The following RIT2 variants were observed in gnomAD, a reference collection of about 807,000 sequenced individuals.
RIT2 encodes the protein Ras like without CAAX 2.
In RIT2, 24 loss-of-function variants were observed where a neutral mutation model predicts 23.7. That is an observed-to-expected ratio of 1.01 (90% CI 0.73 to 1.43). The LOEUF is 1.43. Among genes scored for constraint, RIT2 ranks in the 40% most tolerant of loss-of-function variants. The pLI is 0.00. For missense variants in RIT2, 236 were observed against 266.9 expected, an observed-to-expected ratio of 0.88 and a Z score of 0.81; for synonymous variants, 107 against 91.1, an observed-to-expected ratio of 1.17 and a Z score of -0.99.
rs940135930 is a variant in RIT2, at chr18:43,018,120, A to T, written c.160+15691T>A. 1.4e-4 allele frequency among the ~76,000 whole-genome samples: 22 copies of T among 152,184 alleles called. 1 individual carries two copies. The highest frequency in any genetic ancestry group is 1.0e-3 in the Admixed American group (16 of 15,260). ...AACAGCTTGTAAAATTTGTAAAATT[A>T]ATCACACAGTTCAGTTCACTGTCTT... On this transcript the variant is annotated intron_variant, in intron 2 of 4. Transcript: ENST00000326695.
chr18:42,900,718 A>T (rs1052538504), intron 4 of RIT2, among the ~76,000 whole-genome samples: 6 of 151,450 alleles, frequency 4.0e-5, no homozygotes, highest in African/African-American at 1.5e-4. Flanking sequence ...TATGTGAGGG[A>T]TAACAGAGAT....
chr18:42,923,574 G>A lies in RIT2; in HGVS notation c.424C>T (p.Gln142Ter), dbSNP rs773095164. 1.2e-6 allele frequency: 2 copies of A among 1,612,626 alleles called. No individual in the cohort carries two copies. The highest frequency in any genetic ancestry group is 4.5e-5 in the East Asian group (2 of 44,830). The change falls in exon 4 of 5, where the codon CAG becomes TAG. Residue 142 changes from glutamine to a stop codon, truncating the protein, a stop_gained and splice_region_variant. Coordinates refer to ENST00000326695, the MANE Select transcript of RIT2 (RefSeq NM_002930.4). LOFTEE classifies it high-confidence loss of function. ...GNKIDLEQFR[Q>*]VSTEEGLSLA... ...TACCAGATAAAATCGGCACTCACCT[G>A]GCGGAACTGTTCCAGATCAATTTTG...
chr18:42,971,131 A>T (rs1254897644), intron 3 of RIT2, among the ~76,000 whole-genome samples: 1 of 152,028 alleles, frequency 6.6e-6, no homozygotes, highest in Non-Finnish European at 1.5e-5. Flanking sequence ...AGGATAGTAA[A>T]CTTCAACATA....
chr18:42,965,657 A>C (rs930377370), intron 3 of RIT2, among the ~76,000 whole-genome samples: 1 of 151,352 alleles, frequency 6.6e-6, no homozygotes, highest in Admixed American at 6.6e-5. Context: ...TAAAGGATAT[A>C]AAGAAATATA....
At chr18:42,753,245 T>A (rs2143886863) in intron 4 of RIT2, among the ~76,000 whole-genome samples, 1 of 152,336 alleles carries the variant, frequency 6.6e-6, no homozygotes. Flanking sequence ...CTCTGCATAT[T>A]TTTATCTTTT....
intron 1 of RIT2, among the ~76,000 whole-genome samples, chr18:43,106,465 CTA>C (rs1913824901): frequency 6.6e-6 from 1 of 152,182 alleles, no homozygotes; most frequent in Admixed American, 6.5e-5. Context: ...ACTTCTCTAA[CTA>C]TAATTGTTAA....
intron 3 of RIT2, among the ~76,000 whole-genome samples, chr18:42,950,116 T>C (rs1367419486): frequency 6.6e-6 from 1 of 152,134 alleles, no homozygotes; most frequent in African/African-American, 2.4e-5. Context: ...CAGTCAATTA[T>C]TCTATACTCA....
At chr18:42,766,111 C>A (rs1334123561) in intron 4 of RIT2, among the ~76,000 whole-genome samples, 1 of 152,046 alleles carries the variant, frequency 6.6e-6, no homozygotes, top group Non-Finnish European at 1.5e-5. Flanking sequence ...AAATTGGTAC[C>A]AGTAGAGTGG....
chr18:42,830,786 A>G (rs1331683569), intron 4 of RIT2, among the ~76,000 whole-genome samples: 2 of 152,198 alleles, frequency 1.3e-5, no homozygotes, highest in Admixed American at 6.5e-5. Context: ...TGCTTCAATC[A>G]TAGATAGGTT....
At chr18:43,028,894 T>C (rs1242020058) in intron 2 of RIT2, among the ~76,000 whole-genome samples, 1 of 152,074 alleles carries the variant, frequency 6.6e-6, no homozygotes, top group African/African-American at 2.4e-5. Flanking sequence ...CAGGCCATTT[T>C]AGTGTAATTC....
intron 4 of RIT2, among the ~76,000 whole-genome samples, chr18:42,799,798 T>C (rs1384986726): frequency 1.3e-5 from 2 of 152,344 alleles, no homozygotes; most frequent in East Asian, 3.9e-4. Context: ...TCCCTGATCC[T>C]GCACTTTCTT....
At chr18:42,872,728 A>T (rs539861198) in intron 4 of RIT2, among the ~76,000 whole-genome samples, 2 of 152,202 alleles carry the variant, frequency 1.3e-5, no homozygotes, top group African/African-American at 4.8e-5. Flanking sequence ...AATAAACATA[A>T]TTACTTAGTA....
chr18:42,949,882 T>C (rs16977147), intron 3 of RIT2, among the ~76,000 whole-genome samples: 13,435 of 152,142 alleles, frequency 0.088, 621 homozygotes, highest in Admixed American at 0.13. Flanking sequence ...TTTTTAGGGC[T>C]TGGATGTTAT....
intron 4 of RIT2, among the ~76,000 whole-genome samples, chr18:42,829,899 T>C (rs190082124): frequency 2.6e-3 from 399 of 151,898 alleles, no homozygotes; most frequent in Non-Finnish European, 3.8e-3. Context: ...AAGTTAAATG[T>C]AAAAATAAGT....
intron 3 of RIT2, among the ~76,000 whole-genome samples, chr18:42,970,939 T>C (rs1055597874): frequency 7.9e-5 from 12 of 151,930 alleles, no homozygotes; most frequent in African/African-American, 2.9e-4. Context: ...AAGCTTGCAA[T>C]GGGCAAGGGA....
intron 2 of RIT2, among the ~76,000 whole-genome samples, chr18:43,012,942 A>T (rs1911384073): frequency 6.6e-6 from 1 of 151,814 alleles, no homozygotes; most frequent in Non-Finnish European, 1.5e-5. Flanking sequence ...TCATTTGAGA[A>T]ATTCTTCTGT....
intron 4 of RIT2, among the ~76,000 whole-genome samples, chr18:42,910,273 A>T (rs1908733310): frequency 1.3e-5 from 2 of 152,152 alleles, no homozygotes. Flanking sequence ...TTAATTTAAC[A>T]ATCTAAACCA....
At chr18:43,057,505 G>T (rs527999884) in intron 1 of RIT2, among the ~76,000 whole-genome samples, 1 of 152,112 alleles carries the variant, frequency 6.6e-6, no homozygotes, top group Non-Finnish European at 1.5e-5. Flanking sequence ...TGAATCTCAT[G>T]TTTCAACACA....
At chr18:43,077,179 A>G (rs1306521765) in intron 1 of RIT2, among the ~76,000 whole-genome samples, 1 of 151,820 alleles carries the variant, frequency 6.6e-6, no homozygotes, top group Non-Finnish European at 1.5e-5. Flanking sequence ...CTGTTTCTTC[A>G]TAAACACTGT....
Sources: gnomAD v4.1 joint callset for allele counts (sites outside exome capture counted in the v4.1 genomes callset) on GRCh38, gnomAD v4.1.1 for gene constraint, MANE v1.5 for transcripts, NCBI Gene and HGNC (gene_info 2026-07-23, HGNC 2026-07-21) for gene names.